FRMD4A: variants seen among roughly 807,000 people sequenced by gnomAD.
The protein encoded by FRMD4A is FERM domain containing 4A.
FRMD4A carries 29 observed loss-of-function variants against 129.1 expected under a neutral mutation model. The ratio of observed to expected loss-of-function variants is 0.22; its 90% CI spans 0.17 to 0.31. The LOEUF is 0.31. Among genes scored for constraint, FRMD4A ranks in the 10% least tolerant of loss-of-function variants. The pLI is 1.00. For missense variants in FRMD4A, 1,272 were observed against 1,375.8 expected, an observed-to-expected ratio of 0.92 and a Z score of 1.19; for synonymous variants, 634 against 571.6, an observed-to-expected ratio of 1.11 and a Z score of -1.56.
At chr10:14,192,643 A>G (rs1317934063) in intron 2 of FRMD4A, among the ~76,000 whole-genome samples, 4 of 152,168 alleles carry the variant, frequency 2.6e-5, no homozygotes, top group Admixed American at 1.3e-4. Context: ...AACCTCTCCA[A>G]AGAAGAGCCT....
At chr10:14,053,600 C>T (rs894482116) in intron 2 of FRMD4A, among the ~76,000 whole-genome samples, 9 of 152,126 alleles carry the variant, frequency 5.9e-5, no homozygotes, top group African/African-American at 2.2e-4. Flanking sequence ...ACTTTACTTT[C>T]CAGGAGAACG....
At chr10:14,018,342 G>A (rs111239602) in intron 2 of FRMD4A, among the ~76,000 whole-genome samples, 1 of 149,898 alleles carries the variant, frequency 6.7e-6, no homozygotes, top group Non-Finnish European at 1.5e-5. Context: ...TGTAGTCCCA[G>A]CTACTCAGGA....
At chr10:13,688,343 A>T (rs1021688416) in intron 15 of FRMD4A, among the ~76,000 whole-genome samples, 1 of 152,048 alleles carries the variant, frequency 6.6e-6, no homozygotes, top group East Asian at 1.9e-4. Flanking sequence ...GAATTGAAGA[A>T]TGAGAACACA....
chr10:13,887,476 C>G (rs1406098044), intron 2 of FRMD4A, among the ~76,000 whole-genome samples: 1 of 152,162 alleles, frequency 6.6e-6, no homozygotes, highest in South Asian at 2.1e-4. Context: ...GTGAGGAGAT[C>G]GAGACCATAC....
chr10:13,735,908 C>G (rs912568802), intron 12 of FRMD4A, among the ~76,000 whole-genome samples: 5 of 152,158 alleles, frequency 3.3e-5, no homozygotes, highest in Non-Finnish European at 2.9e-5. Context: ...AATTCCAGCA[C>G]TTTGGGAGGC....
intron 2 of FRMD4A, among the ~76,000 whole-genome samples, chr10:14,145,407 C>A (rs1321852882): frequency 6.6e-6 from 1 of 152,142 alleles, no homozygotes; most frequent in Non-Finnish European, 1.5e-5. Context: ...TGTCTCAGAA[C>A]CACGTCTGAG....
At chr10:13,728,570 A>ATTTTTTTTTTTTTTTTTTT (rs1386167455) in intron 12 of FRMD4A, among the ~76,000 whole-genome samples, 11 of 28,656 alleles carry the variant, frequency 3.8e-4, no homozygotes, top group Admixed American at 1.1e-3. Flanking sequence ...GGTGATTACC[A>ATTTTTTTTTTTTTTTTTTT]TTCTTTTTTT....
intron 2 of FRMD4A, among the ~76,000 whole-genome samples, chr10:14,031,470 G>A (rs1353292498): frequency 6.6e-6 from 1 of 152,106 alleles, no homozygotes; most frequent in Non-Finnish European, 1.5e-5. Flanking sequence ...GGTTCACCAT[G>A]TTGGTCAGGC....
At chr10:14,122,746 C>T (rs60969374) in intron 2 of FRMD4A, among the ~76,000 whole-genome samples, 46,805 of 151,832 alleles carry the variant, frequency 0.31, 7,509 homozygotes, top group East Asian at 0.5. Context: ...CCAGGACCCA[C>T]CTGCAACATT....
chr10:14,099,109 GT>G lies in FRMD4A; in HGVS notation c.45+230948del, dbSNP rs200543277. Among the ~76,000 whole-genome samples, 3 of 152,298 alleles carry G rather than the reference GT, an allele frequency of 2.0e-5. No homozygotes were observed. The East Asian group carries it at 5.8e-4, about 29-fold the overall frequency. On this transcript the variant is annotated intron_variant, in intron 2 of 24. Transcript: ENST00000357447. ...AATTCTATGCCCTTTCTTAGATCCG[GT>G]TTTTGAGGACATCCAGGTATATAGG...
At chr10:14,224,206 C>T (rs567463762) in intron 2 of FRMD4A, among the ~76,000 whole-genome samples, 6 of 152,308 alleles carry the variant, frequency 3.9e-5, no homozygotes, top group South Asian at 4.1e-4. Context: ...AAAAATAGCC[C>T]GGTTTCTGAG....
intron 23 of FRMD4A, chr10:13,653,719 C>T (rs574773611): frequency 6.6e-6 from 1 of 151,768 alleles, no homozygotes; most frequent in East Asian, 1.9e-4. Flanking sequence ...GAGATGATGT[C>T]TCAGGGGCAA....
At chr10:13,864,856 T>G (rs10906521) in intron 2 of FRMD4A, among the ~76,000 whole-genome samples, 1 of 151,968 alleles carries the variant, frequency 6.6e-6, no homozygotes, top group Non-Finnish European at 1.5e-5. Context: ...CAATTACAGG[T>G]GTGAGCCACC....
chr10:14,048,775 C>G (rs1313246844), intron 2 of FRMD4A, among the ~76,000 whole-genome samples: 1 of 151,834 alleles, frequency 6.6e-6, no homozygotes, highest in East Asian at 1.9e-4. Flanking sequence ...CACCGCACTC[C>G]AGCCTGGGTG....
At chr10:13,769,612 G>A (rs888780365) in intron 6 of FRMD4A, among the ~76,000 whole-genome samples, 6 of 152,114 alleles carry the variant, frequency 3.9e-5, no homozygotes, top group South Asian at 4.2e-4. Context: ...GTCCGGCCCC[G>A]AGTTGCCCAG....
At chr10:14,033,666 T>A (rs1480632194) in intron 2 of FRMD4A, among the ~76,000 whole-genome samples, 1 of 151,950 alleles carries the variant, frequency 6.6e-6, no homozygotes, top group African/African-American at 2.4e-5. Context: ...GTGCCTGTAA[T>A]CCCAGTTACG....
chr10:13,883,951 TC>T (rs1385929712), intron 2 of FRMD4A, among the ~76,000 whole-genome samples: 2 of 152,202 alleles, frequency 1.3e-5, no homozygotes, highest in African/African-American at 2.4e-5. Flanking sequence ...AGATGATCTC[TC>T]GTTCTGACTT....
At chr10:14,196,747 G>A (rs968956042) in intron 2 of FRMD4A, among the ~76,000 whole-genome samples, 14 of 152,188 alleles carry the variant, frequency 9.2e-5, no homozygotes, top group African/African-American at 2.7e-4. Context: ...TTCAATAAAT[G>A]TTAACTATTA....
At chr10:13,840,773 A>C (rs2093950756) in intron 3 of FRMD4A, among the ~76,000 whole-genome samples, 1 of 139,052 alleles carries the variant, frequency 7.2e-6, no homozygotes, top group Non-Finnish European at 1.5e-5. Context: ...GGGCAAAAAG[A>C]GTGAGACTCT....
Sources: gnomAD v4.1 joint callset for allele counts (sites outside exome capture counted in the v4.1 genomes callset) on GRCh38, gnomAD v4.1.1 for gene constraint, MANE v1.5 for transcripts, NCBI Gene and HGNC (gene_info 2026-07-23, HGNC 2026-07-21) for gene names.